Variants in HSPA4 observed in about 807,000 individuals in gnomAD.
HSPA4 encodes the protein heat shock protein family A (Hsp70) member 4, also known as heat shock 70 kDa protein 4.
A neutral mutation model predicts 106.2 loss-of-function variants in HSPA4; 25 were observed. The ratio of observed to expected loss-of-function variants is 0.24; its 90% CI spans 0.17 to 0.33. The LOEUF (loss-of-function observed/expected upper bound fraction) is 0.33, where lower values mean the gene tolerates loss of function less well. HSPA4 is among the 10% of genes least tolerant of loss of function. The pLI is 1.00. For synonymous variants in HSPA4, 332 were observed against 333.6 expected, an observed-to-expected ratio of 1.00 and a Z score of 0.05; for missense variants, 841 against 996.0, an observed-to-expected ratio of 0.84 and a Z score of 2.10.
intron 5 of HSPA4, 105 bp from the exon 6 acceptor site, chr5:133,073,888 A>T: frequency 1.6e-6 from 1 of 628,554 alleles, no homozygotes; most frequent in Middle Eastern, 4.6e-4. Context: ...CTAAAACATA[A>T]CACATGTAGT....
intron 1 of HSPA4, among the ~76,000 whole-genome samples, chr5:133,063,178 C>T (rs1248596080): frequency 6.6e-6 from 1 of 152,096 alleles, no homozygotes; most frequent in Non-Finnish European, 1.5e-5. Flanking sequence ...CTTACTGCAG[C>T]CTCAGGCTCC....
chr5:133,082,199 A>G (rs755932525), intron 7 of HSPA4, among the ~76,000 whole-genome samples: 4 of 152,252 alleles, frequency 2.6e-5, no homozygotes, highest in Non-Finnish European at 4.4e-5. Flanking sequence ...TTCTATTTAT[A>G]TGAAATGCCC....
chr5:133,063,501 G>A (rs1197710892), intron 1 of HSPA4, among the ~76,000 whole-genome samples: 1 of 151,990 alleles, frequency 6.6e-6, no homozygotes, highest in East Asian at 1.9e-4. Context: ...TGCGATCTTG[G>A]CTCACTGCAA....
intron 1 of HSPA4, among the ~76,000 whole-genome samples, 167 bp downstream of exon 1, chr5:133,052,524 G>T (rs1180256521): frequency 6.6e-6 from 1 of 152,226 alleles, no homozygotes; most frequent in East Asian, 1.9e-4. Context: ...ACTAGGGGCC[G>T]CGGCCCACTA....
intron 4 of HSPA4, among the ~76,000 whole-genome samples, chr5:133,071,710 T>C: frequency 6.6e-6 from 1 of 152,234 alleles, no homozygotes; most frequent in Non-Finnish European, 1.5e-5. Flanking sequence ...TAGGTGGCTT[T>C]TTCACCCCAG....
Position 133,052,213 on chromosome 5 carries a change from G to T in HSPA4, c.-38G>T. On this transcript the variant is annotated 5_prime_UTR_variant, in exon 1 of 19. Coordinates refer to ENST00000304858, the MANE Select transcript of HSPA4 (RefSeq NM_002154.4). ...CGGGGGTCCGTGTCCTGTCTCGGTGGCCGGACCCGGGCCCGAGCCCGAGCA... is the reference window on the plus strand; with the variant it reads ...CGGGGGTCCGTGTCCTGTCTCGGTGTCCGGACCCGGGCCCGAGCCCGAGCA... 8 of 1,438,042 alleles carry T rather than the reference G, an allele frequency of 5.6e-6. No individual in the cohort carries two copies. Among genetic ancestry groups the T allele is most frequent in the Non-Finnish European group, 7.6e-6 (8 of 1,053,792 alleles). 89.1% of individuals were successfully genotyped at this position (1,438,042 alleles called of 1,614,324 possible).
intron 15 of HSPA4, among the ~76,000 whole-genome samples, chr5:133,097,618 G>T: frequency 6.8e-6 from 1 of 146,576 alleles, no homozygotes; most frequent in African/African-American, 2.5e-5. Flanking sequence ...GCGTGATCTC[G>T]GCTCACTGCA....
chr5:133,078,200 CG>C (rs1765468889), intron 7 of HSPA4, among the ~76,000 whole-genome samples: 1 of 151,864 alleles, frequency 6.6e-6, no homozygotes, highest in African/African-American at 2.4e-5. Flanking sequence ...GGTATGGTGG[CG>C]GGTGCCTGTA....
chr5:133,053,464 TCA>T (rs1765110527), intron 1 of HSPA4, among the ~76,000 whole-genome samples: 1 of 150,174 alleles, frequency 6.7e-6, no homozygotes, highest in Non-Finnish European at 1.5e-5. Flanking sequence ...TTCTCCCACC[TCA>T]GCCTCCTGAG....
At chr5:133,104,061 G>T (rs868665370) in intron 18 of HSPA4, 35 bp downstream of exon 18, 1 of 1,559,070 alleles carries the variant, frequency 6.4e-7, no homozygotes. Context: ...GTCTTTTCTT[G>T]ACAGCCTTAT....
chr5:133,060,835 T>TC (rs1765232522), intron 1 of HSPA4, among the ~76,000 whole-genome samples: 4 of 150,706 alleles, frequency 2.7e-5, no homozygotes, highest in African/African-American at 9.8e-5. Flanking sequence ...TTTTTTTTTT[T>TC]TTGAGACAAG....
chr5:133,079,188 C>T (rs1468154840), intron 7 of HSPA4, among the ~76,000 whole-genome samples: 1 of 152,194 alleles, frequency 6.6e-6, no homozygotes, highest in East Asian at 1.9e-4. Context: ...AAACAATTCA[C>T]TGGAATTTAG....
chr5:133,071,284 CAAAAAAAAAAAAAA>C lies in HSPA4; in HGVS notation c.429+802_429+815del, dbSNP rs755520266. Among the ~76,000 whole-genome samples, 17 of 62,094 alleles carry C rather than the reference CAAAAAAAAAAAAAA, an allele frequency of 2.7e-4. 1 individual carries two copies. The highest frequency in any genetic ancestry group is 1.5e-3 in the Admixed American group (7 of 4,648). 40.7% of individuals were successfully genotyped at this position (62,094 alleles called of 152,430 possible). A position where few individuals can be genotyped will look rare whatever the true frequency, so the allele number is the denominator to read the frequency against. On this transcript the variant is annotated intron_variant, in intron 4 of 18. Transcript: ENST00000304858. The stretch of plus-strand genomic sequence containing the variant: ...AACACAATGAGATCCCTGTCTTTAC[CAAAAAAAAAAAAAA>C]AAAAAAAAAAAAATTAGCTGGGCAT...
chr5:133,069,236 T>TC (rs1554088692), intron 3 of HSPA4, among the ~76,000 whole-genome samples: 1 of 151,570 alleles, frequency 6.6e-6, no homozygotes, highest in African/African-American at 2.4e-5. Flanking sequence ...CTTTGTTCAT[T>TC]ATTGTTACTT....
Position 133,096,085 on chromosome 5 carries a change from T to C in HSPA4, c.1651-13T>C. 1 of 1,610,052 alleles carries C rather than the reference T, an allele frequency of 6.2e-7. No homozygotes were observed. The highest frequency in any genetic ancestry group is 8.5e-7 in the Non-Finnish European group (1 of 1,178,100). On this transcript the variant is annotated splice_polypyrimidine_tract_variant and intron_variant, in intron 13 of 18. Transcript: ENST00000304858. Reference sequence around the variant, plus strand: ...GTATATGTGTTTGTTCTTAATGATTTCTATTGTTTTAGACCTCTCAAGCTG... The same window carrying C: ...GTATATGTGTTTGTTCTTAATGATTCCTATTGTTTTAGACCTCTCAAGCTG...
intron 7 of HSPA4, among the ~76,000 whole-genome samples, chr5:133,078,346 A>G (rs554815649): frequency 2.0e-5 from 3 of 149,610 alleles, no homozygotes; most frequent in Non-Finnish European, 4.4e-5. Context: ...AAAAAAAAAA[A>G]TAGTTGTACT....
chr5:133,060,351 T>C (rs1765225432), intron 1 of HSPA4, among the ~76,000 whole-genome samples: 1 of 151,902 alleles, frequency 6.6e-6, no homozygotes, highest in African/African-American at 2.4e-5. Flanking sequence ...TCAAAATCCT[T>C]CAATTTGTGC....
At chr5:133,072,355 T>C (rs1283056495) in intron 4 of HSPA4, among the ~76,000 whole-genome samples, 1 of 149,558 alleles carries the variant, frequency 6.7e-6, no homozygotes, top group Middle Eastern at 3.3e-3. Context: ...TGAAATGTCC[T>C]CTACCACAGG....
intron 13 of HSPA4, among the ~76,000 whole-genome samples, chr5:133,094,917 T>C (rs1364651399): frequency 2.0e-5 from 3 of 152,158 alleles, no homozygotes; most frequent in Non-Finnish European, 4.4e-5. Flanking sequence ...AATCTGTGGA[T>C]GAGGAAGGGC....
Sources: gnomAD v4.1 joint callset for allele counts (sites outside exome capture counted in the v4.1 genomes callset) on GRCh38, gnomAD v4.1.1 for gene constraint, MANE v1.5 for transcripts, NCBI Gene and HGNC (gene_info 2026-07-23, HGNC 2026-07-21) for gene names.